PKHD1: variants seen among roughly 807,000 people sequenced by gnomAD.
The protein encoded by PKHD1 is PKHD1 ciliary IPT domain containing fibrocystin/polyductin, also known as fibrocystin.
In PKHD1, 291 loss-of-function variants were observed where a neutral mutation model predicts 412.0. The ratio of observed to expected loss-of-function variants is 0.71; its 90% CI spans 0.64 to 0.78. The LOEUF is 0.78. PKHD1 is among the 30% of genes least tolerant of loss of function. The pLI, the probability that PKHD1 is intolerant of heterozygous loss-of-function variation, is 0.00. For synonymous variants in PKHD1, 1,777 were observed against 1,821.5 expected, an observed-to-expected ratio of 0.98 and a Z score of 0.62; for missense variants, 4,825 against 4,950.7, an observed-to-expected ratio of 0.97 and a Z score of 0.76.
chr6:52,025,413 T>A lies in PKHD1; in HGVS notation c.4397A>T (p.Asn1466Ile), dbSNP rs1205668281. 1 of 1,609,842 alleles carries A rather than the reference T, an allele frequency of 6.2e-7. No individual in the cohort carries two copies. The highest frequency in any genetic ancestry group is 1.1e-5 in the South Asian group (1 of 90,648). ...CCCCTGACACTCGCTGGTTAGCCCATTGACCAGGACTGTGACGTTCAGGGA... is the reference window on the plus strand; with the variant it reads ...CCCCTGACACTCGCTGGTTAGCCCAATGACCAGGACTGTGACGTTCAGGGA... ...SFSLNVTVLV[N>I]GLTSECQGNC... Residue 1466 changes from asparagine to isoleucine, a missense_variant, in exon 32 of 67, where the codon AAT (asparagine) becomes ATT (isoleucine). Physicochemically the swap from Asn to Ile is moderately radical, Grantham distance 149. Transcript: ENST00000371117.
chr6:51,743,511 A>T (rs929901458), intron 60 of PKHD1, among the ~76,000 whole-genome samples: 1 of 152,100 alleles, frequency 6.6e-6, no homozygotes, highest in African/African-American at 2.4e-5. Flanking sequence ...GCTATACTAG[A>T]CCAAATTTCA....
intron 60 of PKHD1, among the ~76,000 whole-genome samples, chr6:51,692,757 T>A (rs982227220): frequency 6.6e-6 from 1 of 152,162 alleles, no homozygotes; most frequent in Non-Finnish European, 1.5e-5. Flanking sequence ...AGTTTTCTTA[T>A]GGTTTTGTTT....
chr6:51,616,138 A>C lies in PKHD1; in HGVS notation c.*2943T>G. On this transcript the variant is annotated 3_prime_UTR_variant, in exon 67 of 67. Coordinates refer to ENST00000371117, the MANE Select transcript of PKHD1 (RefSeq NM_138694.4). ...GAAATATGTATACATTGTGGAATGG[A>C]TCAGTTGAACTAATTAACATATGTA... The C allele has an allele frequency of 6.6e-6, 1 of 152,262 alleles. No individual in the cohort carries two copies. The highest frequency in any genetic ancestry group is 1.9e-4 in the East Asian group (1 of 5,204). The allele number at this position is 152,262 out of a possible 1,614,324, so 9.4% of individuals were successfully genotyped here. A position where few individuals can be genotyped will look rare whatever the true frequency, so the allele number is the denominator to read the frequency against.
chr6:51,883,921 G>T (rs1204107555), intron 45 of PKHD1, among the ~76,000 whole-genome samples: 1 of 152,138 alleles, frequency 6.6e-6, no homozygotes, highest in East Asian at 1.9e-4. Flanking sequence ...TGACTTCTTT[G>T]CCCTTCTGCT....
intron 10 of PKHD1, 52 bp downstream of exon 10, chr6:52,070,354 A>C: frequency 1.9e-6 from 2 of 1,032,004 alleles, no homozygotes; most frequent in East Asian, 2.4e-5. Context: ...TGAGAGAGAT[A>C]GGTAATATAA....
intron 37 of PKHD1, among the ~76,000 whole-genome samples, chr6:51,916,070 G>C (rs1405919640): frequency 6.6e-6 from 1 of 152,054 alleles, no homozygotes; most frequent in African/African-American, 2.4e-5. Flanking sequence ...TTACTAAAGT[G>C]CATGTGTCTT....
intron 52 of PKHD1, among the ~76,000 whole-genome samples, chr6:51,823,948 C>T (rs1029314200): frequency 1.3e-5 from 2 of 152,038 alleles, no homozygotes; most frequent in African/African-American, 2.4e-5. Flanking sequence ...AGGAACAAAA[C>T]AAATAAATCA....
chr6:52,079,070 T>A (rs1263236868), intron 5 of PKHD1, among the ~76,000 whole-genome samples: 1 of 152,152 alleles, frequency 6.6e-6, no homozygotes, highest in Non-Finnish European at 1.5e-5. Flanking sequence ...TTGAAACAGC[T>A]CTTAAACAGA....
At chr6:51,881,282 G>T (rs1291032326) in intron 46 of PKHD1, among the ~76,000 whole-genome samples, 1 of 151,786 alleles carries the variant, frequency 6.6e-6, no homozygotes, top group Non-Finnish European at 1.5e-5. Flanking sequence ...ATATTACAGG[G>T]TACACATAGG....
intron 36 of PKHD1, among the ~76,000 whole-genome samples, chr6:51,956,902 T>C (rs952315243): frequency 5.9e-5 from 9 of 152,026 alleles, no homozygotes; most frequent in African/African-American, 1.9e-4. Flanking sequence ...AGAGGTTAAA[T>C]AATAGTAAGG....
intron 43 of PKHD1, among the ~76,000 whole-genome samples, chr6:51,896,399 G>A (rs1220228130): frequency 1.7e-4 from 26 of 151,448 alleles, no homozygotes; most frequent in African/African-American, 6.1e-4. Context: ...CCCCAACAGG[G>A]GCACACTGAC....
At chr6:51,881,060 A>G (rs550802929) in intron 46 of PKHD1, among the ~76,000 whole-genome samples, 39 of 144,744 alleles carry the variant, frequency 2.7e-4, no homozygotes, top group African/African-American at 9.6e-4. Context: ...GAGGTCAGGA[A>G]CCCTCTTTTT....
chr6:51,636,781 C>G (rs1244988364), intron 64 of PKHD1, among the ~76,000 whole-genome samples: 1 of 152,194 alleles, frequency 6.6e-6, no homozygotes, highest in African/African-American at 2.4e-5. Context: ...TGTACCGTTA[C>G]TCAGTGTGAT....
Position 52,036,698 on chromosome 6 carries a change from T to C in PKHD1, c.3098-977A>G, listed in dbSNP as rs116238575. Among the ~76,000 whole-genome samples the C allele has an allele frequency of 1.8e-3, 274 of 152,258 alleles. 1 individual carries two copies. Among genetic ancestry groups the C allele is most frequent in the Non-Finnish European group, 3.1e-3 (208 of 68,020 alleles). Reference sequence around the variant, plus strand: ...AACTAAGAGCAATATACAATCGTGATATAAAATATACAATATCTGGAAGCA... The same window carrying C: ...AACTAAGAGCAATATACAATCGTGACATAAAATATACAATATCTGGAAGCA... On this transcript the variant is annotated intron_variant, in intron 27 of 66. Transcript: ENST00000371117.
chr6:51,697,772 A>G (rs1373057906), intron 60 of PKHD1, among the ~76,000 whole-genome samples: 4 of 152,184 alleles, frequency 2.6e-5, no homozygotes, highest in African/African-American at 9.7e-5. Context: ...CTCAGCCAGA[A>G]CTCTGACTAT....
intron 35 of PKHD1, among the ~76,000 whole-genome samples, chr6:51,977,569 C>T (rs1392289918): frequency 4.6e-5 from 7 of 152,212 alleles, no homozygotes; most frequent in Non-Finnish European, 7.3e-5. Flanking sequence ...GCTACCCTCA[C>T]CCTTCTTACT....
intron 36 of PKHD1, among the ~76,000 whole-genome samples, chr6:51,935,340 AAT>A (rs1186460533): frequency 5.3e-5 from 8 of 151,932 alleles, no homozygotes; most frequent in Non-Finnish European, 1.0e-4. Flanking sequence ...TCATTTTTAT[AAT>A]ATCTTTCTTT....
chr6:52,057,953 T>A (rs2128211370), intron 16 of PKHD1, among the ~76,000 whole-genome samples: 1 of 152,284 alleles, frequency 6.6e-6, no homozygotes, highest in African/African-American at 2.4e-5. Context: ...AAACACAGGC[T>A]ATAGGGAAAT....
intron 52 of PKHD1, among the ~76,000 whole-genome samples, chr6:51,802,490 T>G (rs1763077495): frequency 6.6e-6 from 1 of 151,514 alleles, no homozygotes; most frequent in African/African-American, 2.4e-5. Context: ...CTGGCAACTC[T>G]CAGGTGATCC....
Sources: gnomAD v4.1 joint callset for allele counts (sites outside exome capture counted in the v4.1 genomes callset) on GRCh38, gnomAD v4.1.1 for gene constraint, MANE v1.5 for transcripts, NCBI Gene and HGNC (gene_info 2026-07-23, HGNC 2026-07-21) for gene names.